The following RNF220 variants were observed in gnomAD, a reference collection of about 807,000 sequenced individuals.
The protein encoded by RNF220 is ring finger protein 220, also known as E3 ubiquitin-protein ligase RNF220.
RNF220 carries 7 observed loss-of-function variants against 67.1 expected under a neutral mutation model. The observed-to-expected ratio is 0.10, with a 90% CI of 0.06 to 0.20. The LOEUF is 0.20. Among genes scored for constraint, RNF220 ranks in the 10% least tolerant of loss-of-function variants. The pLI is 1.00. For missense variants in RNF220, 565 were observed against 740.3 expected, an observed-to-expected ratio of 0.76 and a Z score of 2.75; for synonymous variants, 270 against 283.2, an observed-to-expected ratio of 0.95 and a Z score of 0.47.
intron 2 of RNF220, among the ~76,000 whole-genome samples, chr1:44,482,774 A>G (rs1292083424): frequency 7.9e-5 from 12 of 152,048 alleles, no homozygotes; most frequent in Non-Finnish European, 2.9e-5. Context: ...GGCATGTGCC[A>G]CAATGCCTGG....
At chr1:44,611,203 G>C (rs1356068035) in intron 2 of RNF220, among the ~76,000 whole-genome samples, 1 of 152,242 alleles carries the variant, frequency 6.6e-6, no homozygotes, top group Non-Finnish European at 1.5e-5. Flanking sequence ...AGGCTGCAGA[G>C]TCCCTTTGCT....
At chr1:44,505,803 T>C (rs1052425321) in intron 2 of RNF220, among the ~76,000 whole-genome samples, 3 of 152,160 alleles carry the variant, frequency 2.0e-5, no homozygotes, top group Non-Finnish European at 4.4e-5. Flanking sequence ...GGGCTGAGCA[T>C]GAACAATGCG....
At chr1:44,632,431 C>T (rs753437944) in intron 6 of RNF220, 46 bp downstream of exon 6, 1 of 1,438,848 alleles carries the variant, frequency 7.0e-7, no homozygotes, top group African/African-American at 1.4e-5. Context: ...CCGGCCTCCT[C>T]CCTCCCTCCC....
intron 1 of RNF220, among the ~76,000 whole-genome samples, chr1:44,408,151 T>A (rs1201915844): frequency 6.6e-6 from 1 of 152,166 alleles, no homozygotes; most frequent in Non-Finnish European, 1.5e-5. Context: ...CTTCACCTCT[T>A]CTTCCCCCGT....
At chr1:44,460,986 A>G (rs1653707876) in intron 2 of RNF220, among the ~76,000 whole-genome samples, 1 of 152,192 alleles carries the variant, frequency 6.6e-6, no homozygotes, top group South Asian at 2.1e-4. Context: ...GTTTGGGTGT[A>G]ACAGACCTGC....
At chr1:44,631,842 A>T in intron 5 of RNF220, 1 of 869,482 alleles carries the variant, frequency 1.2e-6, no homozygotes, top group Non-Finnish European at 1.4e-6. Context: ...GGTGGGAGGG[A>T]CCCCGGGGAG....
At chr1:44,608,214 C>A (rs1288607765) in intron 2 of RNF220, among the ~76,000 whole-genome samples, 2 of 152,168 alleles carry the variant, frequency 1.3e-5, no homozygotes, top group South Asian at 4.1e-4. Flanking sequence ...TTTGAGCCAC[C>A]ACACCGGCCC....
chr1:44,622,782 C>T lies in RNF220; in HGVS notation c.799C>T (p.Pro267Ser). 6.2e-7 allele frequency: 1 copy of T among 1,613,858 alleles called. No homozygotes were observed. Among genetic ancestry groups the T allele is most frequent in the South Asian group, 1.1e-5 (1 of 91,002 alleles). Residue 267 changes from proline (P) to serine (S), a missense_variant, in exon 4 of 15, where the codon CCA becomes TCA. Pro to Ser is a moderately conservative substitution (Grantham distance 74). Transcript: ENST00000361799. This position sits in a 1 kb window ranked among gnomAD's most constrained non-coding sequence, Gnocchi z 4.3. ...LLKDAMAPGT[P>S]KSLLLSASIK... ...GAAGGATGCCATGGCTCCAGGCACC[C>T]CAAAGGTAGGTGGCCAATTACATGT...
chr1:44,524,997 G>GA (rs56827429), intron 2 of RNF220, among the ~76,000 whole-genome samples: 44,562 of 151,482 alleles, frequency 0.29, 6,782 homozygotes, highest in Non-Finnish European at 0.32. Context: ...GAAAGAAAAA[G>GA]AAAAAAAATG....
intron 2 of RNF220, among the ~76,000 whole-genome samples, chr1:44,464,395 A>G (rs949501977): frequency 2.0e-5 from 3 of 152,208 alleles, no homozygotes; most frequent in Non-Finnish European, 2.9e-5. Flanking sequence ...CAAACTTTGC[A>G]TGTGCATCTT....
chr1:44,626,353 C>A lies in RNF220; in HGVS notation c.861C>A (p.Pro287=), dbSNP rs76104973. 3.3e-3 allele frequency: 5,337 copies of A among 1,613,400 alleles called. 139 individuals are homozygous for A. The African/African-American group carries it at 0.062, about 19-fold the overall frequency. Residue 287 remains proline, a synonymous_variant, in exon 5 of 15, where the codon CCC becomes CCA. Coordinates refer to ENST00000361799, the MANE Select transcript of RNF220 (RefSeq NM_018150.4). ...KREGESPTAS[P]HSSATDDLHH... ...AAGGAGAGTCTCCAACGGCATCACC[C>A]CACTCATCTGCCACCGATGACCTCC...
At chr1:44,441,685 T>C (rs1370177139) in intron 2 of RNF220, among the ~76,000 whole-genome samples, 1 of 152,196 alleles carries the variant, frequency 6.6e-6, no homozygotes, top group Non-Finnish European at 1.5e-5. Context: ...ACTTAGTGTA[T>C]GAAGAAGGTT....
At chr1:44,555,744 A>G (rs11211013) in intron 2 of RNF220, among the ~76,000 whole-genome samples, 5,598 of 150,244 alleles carry the variant, frequency 0.037, 678 homozygotes, top group African/African-American at 0.13. Context: ...CAAAGTGCTG[A>G]GATTACAGGC....
chr1:44,405,391 TGCTGCCGCTGCCGCCGCCGCC>T lies in RNF220; in HGVS notation c.-254_-234del, dbSNP rs1373293292. Reference sequence around the variant, plus strand: ...GCCAGCCGCCTACTGCTGCTGCTGCTGCTGCCGCTGCCGCCGCCGCCGCCGCCGCTGCCTCCGCCGGCTCTG... The same window carrying T: ...GCCAGCCGCCTACTGCTGCTGCTGCTGCCGCCGCTGCCTCCGCCGGCTCTG... On this transcript the variant is annotated 5_prime_UTR_variant, in exon 1 of 15. Transcript: ENST00000361799. 19 of 630,114 alleles carry T rather than the reference TGCTGCCGCTGCCGCCGCCGCC, an allele frequency of 3.0e-5. No individual in the cohort carries two copies. Among genetic ancestry groups the T allele is most frequent in the African/African-American group, 3.8e-5 (2 of 53,294 alleles). The allele number at this position is 630,114 out of a possible 1,614,324, so 39.0% of individuals were successfully genotyped here. A position where few individuals can be genotyped will look rare whatever the true frequency, so the allele number is the denominator to read the frequency against.
chr1:44,616,645 A>G (rs72899509), intron 3 of RNF220, among the ~76,000 whole-genome samples: 2,191 of 146,924 alleles, frequency 0.015, 46 homozygotes, highest in African/African-American at 0.054. Context: ...AGAAAGTGGG[A>G]AAAAAAAATC....
chr1:44,537,268 C>A (rs1469163760), intron 2 of RNF220, among the ~76,000 whole-genome samples: 1 of 152,142 alleles, frequency 6.6e-6, no homozygotes, highest in Non-Finnish European at 1.5e-5. Flanking sequence ...GGTCTTTCTG[C>A]CCCTGTTTGA....
intron 2 of RNF220, among the ~76,000 whole-genome samples, chr1:44,501,759 T>C (rs56242438): frequency 0.26 from 40,003 of 151,852 alleles, 5,387 homozygotes; most frequent in East Asian, 0.27. Context: ...GCAGGCTTGG[T>C]TGGTGCAGGA....
intron 2 of RNF220, among the ~76,000 whole-genome samples, chr1:44,581,040 C>G (rs965795646): frequency 1.3e-5 from 2 of 152,198 alleles, no homozygotes; most frequent in African/African-American, 4.8e-5. Context: ...CTCATCTGTG[C>G]TTAAGAGCTG....
At chr1:44,551,515 CA>C (rs1490190848) in intron 2 of RNF220, among the ~76,000 whole-genome samples, 2 of 152,028 alleles carry the variant, frequency 1.3e-5, no homozygotes, top group African/African-American at 4.8e-5. Flanking sequence ...ATTATTGGGT[CA>C]AAAGGTATAA....
Sources: gnomAD v4.1 joint callset for allele counts (sites outside exome capture counted in the v4.1 genomes callset) on GRCh38, gnomAD v4.1.1 for gene constraint, Gnocchi (gnomAD v3.1) non-coding constraint, MANE v1.5 for transcripts, NCBI Gene and HGNC (gene_info 2026-07-23, HGNC 2026-07-21) for gene names.